RABGAP1: variants seen among roughly 807,000 people sequenced by gnomAD.
The protein encoded by RABGAP1 is RAB GTPase activating protein 1, also known as rab GTPase-activating protein 1.
Under a neutral mutation model 137.6 loss-of-function variants are expected in RABGAP1, and 23 were observed. The observed-to-expected ratio is 0.17, with a 90% CI of 0.12 to 0.24. RABGAP1 has a LOEUF of 0.24. Ranked by LOEUF, RABGAP1 falls within the 10% of genes least tolerant of loss-of-function variation. The probability of loss-of-function intolerance (pLI) is 1.00; values close to 1 mark genes in which losing one functional copy is unlikely to be tolerated. For missense variants in RABGAP1, 906 were observed against 1,275.8 expected, an observed-to-expected ratio of 0.71 and a Z score of 4.42; for synonymous variants, 451 against 450.7, an observed-to-expected ratio of 1.00 and a Z score of -0.01.
rs755369329 is a variant in RABGAP1 at position 122,965,345 on chromosome 9, ATAACT to A, written c.150+8140_150+8144del. On this transcript the variant is annotated intron_variant, in intron 2 of 25. Transcript: ENST00000373647. ...GGAGTCTGGTGGGAATAGAAAGGTG[ATAACT>A]TAAGGGTATATTGTGCTGCTTTTTA... Among the ~76,000 whole-genome samples the A allele has an allele frequency of 2.2e-4, 33 of 152,252 alleles. No homozygotes were observed. In the East Asian group the frequency reaches 2.7e-3, roughly 12 times the overall value.
chr9:122,948,473 A>G (rs1258159784), intron 1 of RABGAP1, among the ~76,000 whole-genome samples: 1 of 152,146 alleles, frequency 6.6e-6, no homozygotes, highest in Admixed American at 6.5e-5. Context: ...TGAACTTAAT[A>G]CCCATCTGGC....
At chr9:122,983,255 CA>C (rs1194357673) in intron 2 of RABGAP1, among the ~76,000 whole-genome samples, 2 of 151,560 alleles carry the variant, frequency 1.3e-5, no homozygotes, top group East Asian at 3.9e-4. Flanking sequence ...TCTGATTTAA[CA>C]AAGGGTTAAA....
At chr9:122,966,987 C>G (rs1278817117) in intron 2 of RABGAP1, among the ~76,000 whole-genome samples, 1 of 152,164 alleles carries the variant, frequency 6.6e-6, no homozygotes, top group East Asian at 1.9e-4. Flanking sequence ...TTACCTCCCT[C>G]CAGGTTCCTC....
chr9:123,023,320 A>G (rs538079557), intron 13 of RABGAP1, among the ~76,000 whole-genome samples: 2 of 152,268 alleles, frequency 1.3e-5, no homozygotes, highest in South Asian at 4.1e-4. Flanking sequence ...AGCTGGGATT[A>G]CAGGCACACG....
At chr9:122,966,488 C>T (rs1056574729) in intron 2 of RABGAP1, among the ~76,000 whole-genome samples, 1 of 151,658 alleles carries the variant, frequency 6.6e-6, no homozygotes, top group Non-Finnish European at 1.5e-5. Flanking sequence ...GTGCCATTGC[C>T]CCCCAGCCTG....
At chr9:123,089,719 T>G in intron 19 of RABGAP1, 39 bp from the exon 20 acceptor site, 1 of 1,555,984 alleles carries the variant, frequency 6.4e-7, no homozygotes, top group Non-Finnish European at 8.8e-7. Context: ...CCCACTACTT[T>G]CTAATACTTC....
chr9:122,935,526 G>C, the RABGAP1 span, among the ~76,000 whole-genome samples: 1 of 151,862 alleles, frequency 6.6e-6, no homozygotes, highest in Non-Finnish European at 1.5e-5. Context: ...TCTTAGTAGA[G>C]ATGGAGTTTC....
intron 1 of RABGAP1, among the ~76,000 whole-genome samples, chr9:122,951,368 TGTTA>T (rs1834233640): frequency 6.6e-6 from 1 of 151,948 alleles, no homozygotes; most frequent in Non-Finnish European, 1.5e-5. Context: ...ACTTCTCAGA[TGTTA>T]GTTAACTAGA....
rs57696888 is a variant in RABGAP1, at chr9:123,104,417, T to TAA, written c.*1217_*1218dup. On this transcript the variant is annotated 3_prime_UTR_variant, in exon 26 of 26. Coordinates refer to ENST00000373647, the MANE Select transcript of RABGAP1 (RefSeq NM_012197.4). ...GCTATGGAATGGATTTTAGCACCTTTAAAAAAAAAAAAAACTTTGACTTTT... is the reference window on the plus strand; with the variant it reads ...GCTATGGAATGGATTTTAGCACCTTTAAAAAAAAAAAAAAAACTTTGACTTTT... 512 of 145,938 alleles carry TAA rather than the reference T, an allele frequency of 3.5e-3. No individual in the cohort carries two copies. The highest frequency in any genetic ancestry group is 0.011 in the Middle Eastern group (3 of 282). 9.0% of individuals were successfully genotyped at this position (145,938 alleles called of 1,614,324 possible).
chr9:122,981,699 G>C (rs1367540890), intron 2 of RABGAP1, among the ~76,000 whole-genome samples: 2 of 152,144 alleles, frequency 1.3e-5, no homozygotes, highest in African/African-American at 4.8e-5. Context: ...ATGTTTCCCA[G>C]CTTGGTTTAG....
chr9:122,933,814 G>T, the RABGAP1 span, among the ~76,000 whole-genome samples: 2 of 151,908 alleles, frequency 1.3e-5, no homozygotes, highest in Non-Finnish European at 2.9e-5. Context: ...TAGTAGAGAT[G>T]GGGTTTTACC....
chr9:123,092,586 T>A (rs551078686), intron 21 of RABGAP1, among the ~76,000 whole-genome samples: 1 of 152,240 alleles, frequency 6.6e-6, no homozygotes, highest in South Asian at 2.1e-4. Context: ...CCAGCCTGTT[T>A]CCACAGTAAA....
Position 122,974,056 on chromosome 9 carries a change from A to G in RABGAP1, c.151-10429A>G, listed in dbSNP as rs145591971. 2.6e-4 allele frequency among the ~76,000 whole-genome samples: 40 copies of G among 152,248 alleles called. No homozygotes were observed. The East Asian group carries it at 5.6e-3, about 21-fold the overall frequency. ...GAACCTGGTAATCTTGTCCTCTGTAATGCAGATCTTTTATTCAGCAAAGTT... is the reference window on the plus strand; with the variant it reads ...GAACCTGGTAATCTTGTCCTCTGTAGTGCAGATCTTTTATTCAGCAAAGTT... On this transcript the variant is annotated intron_variant, in intron 2 of 25. Coordinates refer to ENST00000373647, the MANE Select transcript of RABGAP1 (RefSeq NM_012197.4).
intron 19 of RABGAP1, among the ~76,000 whole-genome samples, chr9:123,080,690 A>T (rs951126996): frequency 6.6e-6 from 1 of 152,190 alleles, no homozygotes; most frequent in African/African-American, 2.4e-5. Flanking sequence ...TGAGTCCATT[A>T]GACCTCGAAA....
intron 11 of RABGAP1, among the ~76,000 whole-genome samples, chr9:123,011,335 A>G (rs2030789284): frequency 6.6e-6 from 1 of 152,150 alleles, no homozygotes; most frequent in South Asian, 2.1e-4. Flanking sequence ...GTGCAAGGAG[A>G]ATCTAGTAGT....
intron 19 of RABGAP1, among the ~76,000 whole-genome samples, chr9:123,081,129 G>T (rs529733861): frequency 1.3e-5 from 2 of 152,064 alleles, no homozygotes; most frequent in African/African-American, 2.4e-5. Flanking sequence ...TCTTCCTTAC[G>T]ATTTTCTTAA....
intron 17 of RABGAP1, 140 bp downstream of exon 17, chr9:123,074,568 T>A: frequency 1.0e-6 from 1 of 960,992 alleles, no homozygotes; most frequent in Non-Finnish European, 1.5e-6. Context: ...AATCTAGGTT[T>A]AAGTGACTTC....
chr9:123,034,492 A>G lies in RABGAP1; in HGVS notation c.1794+14033A>G. The stretch of plus-strand genomic sequence containing the variant: ...CACACATGCAAAGCTGACCGCAATG[A>G]CAGCAGCTGCTTCTTTGAACTGTTG... On this transcript the variant is annotated intron_variant, in intron 13 of 25. Coordinates refer to ENST00000373647, the MANE Select transcript of RABGAP1 (RefSeq NM_012197.4). 3.4e-6 allele frequency: 3 copies of G among 888,848 alleles called. No homozygotes were observed. The South Asian group carries it at 4.8e-5, about 14-fold the overall frequency. The allele number at this position is 888,848 out of a possible 1,614,324, so 55.1% of individuals were successfully genotyped here.
At chr9:122,975,112 T>C (rs1835696814) in intron 2 of RABGAP1, among the ~76,000 whole-genome samples, 2 of 152,338 alleles carry the variant, frequency 1.3e-5, no homozygotes, top group South Asian at 4.1e-4. Flanking sequence ...TCATTTGTGT[T>C]TTTACTGCAG....
Sources: gnomAD v4.1 joint callset for allele counts (sites outside exome capture counted in the v4.1 genomes callset) on GRCh38, gnomAD v4.1.1 for gene constraint, MANE v1.5 for transcripts, NCBI Gene and HGNC (gene_info 2026-07-23, HGNC 2026-07-21) for gene names.